Variants in SOCS5 observed in about 807,000 individuals in gnomAD.
SOCS5 encodes suppressor of cytokine signaling 5.
A neutral mutation model predicts 42.8 loss-of-function variants in SOCS5; 32 were observed. The observed-to-expected ratio is 0.75, with a 90% confidence interval of 0.56 to 1.01. SOCS5 has a LOEUF of 1.01. Among genes scored for constraint, SOCS5 ranks in the 50% least tolerant of loss-of-function variants. The pLI, the probability that SOCS5 is intolerant of heterozygous loss-of-function variation, is 0.00. For synonymous variants in SOCS5, 283 were observed against 229.6 expected (o/e 1.23, Z -2.10); for missense variants, 627 against 653.0 (o/e 0.96, Z 0.43).
At chr2:46,735,169 A>G (rs893007699) in intron 1 of SOCS5, among the ~76,000 whole-genome samples, 1 of 152,218 alleles carries the variant, frequency 6.6e-6, no homozygotes, top group African/African-American at 2.4e-5. Context: ...TTCCTATCAA[A>G]GTTCAGAGTT....
chr2:46,707,366 T>C (rs17822019), intron 1 of SOCS5, among the ~76,000 whole-genome samples: 43,596 of 152,168 alleles, frequency 0.29, 7,152 homozygotes, highest in Non-Finnish European at 0.37. Context: ...GTTGTCTGAT[T>C]GTTTCTTCAC....
intron 1 of SOCS5, among the ~76,000 whole-genome samples, chr2:46,730,562 T>C (rs1277161759): frequency 2.6e-5 from 4 of 152,200 alleles, no homozygotes. Context: ...ATTGTGCCAC[T>C]GCAGTCCAGC....
Position 46,699,652 on chromosome 2 carries a change from C to T in SOCS5, c.-13+203C>T, listed in dbSNP as rs1049887372. ...AAGGACTGCTAGCCCGGGCCGCGAG[C>T]CCCGTGCAGACCACGCCGCTCACAG... On this transcript the variant is annotated intron_variant, in intron 1 of 1. Transcript: ENST00000394861. This position sits in a 1 kb window ranked among gnomAD's most constrained non-coding sequence, Gnocchi z 4.8. Among the ~76,000 whole-genome samples the T allele has an allele frequency of 2.0e-5, 3 of 152,192 alleles. No homozygotes were observed. Among genetic ancestry groups the T allele is most frequent in the Admixed American group, 2.0e-4 (3 of 15,288 alleles).
At chr2:46,714,610 A>T (rs917089700) in intron 1 of SOCS5, among the ~76,000 whole-genome samples, 1 of 152,092 alleles carries the variant, frequency 6.6e-6, no homozygotes, top group Non-Finnish European at 1.5e-5. Flanking sequence ...ATGTGTTTAG[A>T]TCAGGGTTGG....
chr2:46,742,842 T>G (rs1189543220), intron 1 of SOCS5, among the ~76,000 whole-genome samples: 4 of 152,112 alleles, frequency 2.6e-5, no homozygotes, highest in Admixed American at 6.6e-5. Context: ...ATTTTTGTAT[T>G]TTTAGTAGAG....
intron 1 of SOCS5, among the ~76,000 whole-genome samples, chr2:46,739,773 A>G (rs1160481351): frequency 6.6e-6 from 1 of 152,150 alleles, no homozygotes. Flanking sequence ...TCTTTTGTAC[A>G]CATGTCTACA....
At chr2:46,717,065 G>A (rs1672763492) in intron 1 of SOCS5, among the ~76,000 whole-genome samples, 1 of 152,170 alleles carries the variant, frequency 6.6e-6, no homozygotes, top group East Asian at 1.9e-4. Flanking sequence ...GCCTCATGGA[G>A]TTACACACCA....
Position 46,721,292 on chromosome 2 carries a change from C to T in SOCS5, c.-13+21843C>T, listed in dbSNP as rs41320245. Reference sequence around the variant, plus strand: ...GCACAGTCTTGGTGTCTAATTATCTCAGATCTGCATTGTCTCCTTTGCCAA... The same window carrying T: ...GCACAGTCTTGGTGTCTAATTATCTTAGATCTGCATTGTCTCCTTTGCCAA... On this transcript the variant is annotated intron_variant, in intron 1 of 1. Transcript: ENST00000394861. 5.2e-3 allele frequency among the ~76,000 whole-genome samples: 792 copies of T among 152,270 alleles called. 3 individuals are homozygous for T. The highest frequency in any genetic ancestry group is 8.4e-3 in the Non-Finnish European group (568 of 68,020).
At chr2:46,708,114 A>G (rs1234197795) in intron 1 of SOCS5, among the ~76,000 whole-genome samples, 1 of 152,242 alleles carries the variant, frequency 6.6e-6, no homozygotes, top group Non-Finnish European at 1.5e-5. Context: ...CTTGTGGTAG[A>G]TAGATGACAG....
At chr2:46,730,313 T>C (rs1391569984) in intron 1 of SOCS5, among the ~76,000 whole-genome samples, 2 of 152,046 alleles carry the variant, frequency 1.3e-5, no homozygotes, top group Non-Finnish European at 2.9e-5. Context: ...AGATTAAGAT[T>C]AGGTTGGCCA....
chr2:46,736,919 AC>A (rs1378954134), intron 1 of SOCS5, among the ~76,000 whole-genome samples: 3 of 152,046 alleles, frequency 2.0e-5, no homozygotes, highest in Non-Finnish European at 4.4e-5. Flanking sequence ...GTTCCAGTGA[AC>A]ATTTCCTTTG....
chr2:46,745,832 G>A (rs145810841), intron 1 of SOCS5, among the ~76,000 whole-genome samples: 44 of 152,228 alleles, frequency 2.9e-4, no homozygotes, highest in African/African-American at 1.0e-3. Context: ...GTCTTTAGAA[G>A]GATTGAAGAG....
intron 1 of SOCS5, among the ~76,000 whole-genome samples, chr2:46,706,406 C>G (rs1672463438): frequency 6.6e-6 from 1 of 152,102 alleles, no homozygotes; most frequent in African/African-American, 2.4e-5. Flanking sequence ...GTGAAGTGCT[C>G]TTTTACTCTT....
intron 1 of SOCS5, among the ~76,000 whole-genome samples, chr2:46,713,529 T>A (rs1034435168): frequency 1.3e-5 from 2 of 152,224 alleles, no homozygotes; most frequent in Non-Finnish European, 2.9e-5. Context: ...TTCTTGAGAT[T>A]GGATGTCTTT....
chr2:46,744,218 G>A (rs996599879), intron 1 of SOCS5, among the ~76,000 whole-genome samples: 7 of 152,096 alleles, frequency 4.6e-5, no homozygotes, highest in Non-Finnish European at 8.8e-5. Context: ...GTGAACTCTT[G>A]ACCTCAAGTG....
intron 1 of SOCS5, among the ~76,000 whole-genome samples, chr2:46,721,999 A>G (rs968831308): frequency 2.6e-5 from 4 of 151,958 alleles, no homozygotes; most frequent in Non-Finnish European, 5.9e-5. Flanking sequence ...CAGTATTGTC[A>G]TTTCTATTTC....
At chr2:46,713,602 A>C (rs552328763) in intron 1 of SOCS5, among the ~76,000 whole-genome samples, 19 of 152,124 alleles carry the variant, frequency 1.2e-4, no homozygotes, top group Middle Eastern at 3.4e-3. Flanking sequence ...AAATCCTTTC[A>C]AAGAACCAAC....
intron 1 of SOCS5, among the ~76,000 whole-genome samples, chr2:46,719,364 T>G (rs1166084397): frequency 4.6e-5 from 7 of 152,230 alleles, no homozygotes; most frequent in African/African-American, 1.7e-4. Flanking sequence ...TTTTCCAAAC[T>G]AAGGCAGTCT....
At chr2:46,728,114 C>A (rs1673036428) in intron 1 of SOCS5, among the ~76,000 whole-genome samples, 1 of 152,188 alleles carries the variant, frequency 6.6e-6, no homozygotes, top group Admixed American at 6.5e-5. Flanking sequence ...TCCTGGATCT[C>A]TGCATTGATT....
Sources: gnomAD v4.1 joint callset for allele counts (sites outside exome capture counted in the v4.1 genomes callset) on GRCh38, gnomAD v4.1.1 for gene constraint, Gnocchi (gnomAD v3.1) non-coding constraint, MANE v1.5 for transcripts, NCBI Gene and HGNC (gene_info 2026-07-23, HGNC 2026-07-21) for gene names.